The following EPHB3 variants were observed in gnomAD, a reference collection of about 807,000 sequenced individuals.
EPHB3 encodes the protein EPH receptor B3, also known as ephrin type-B receptor 3.
In EPHB3, 33 loss-of-function variants were observed where a neutral mutation model predicts 100.2. The ratio of observed to expected loss-of-function variants is 0.33; its 90% CI spans 0.25 to 0.44. EPHB3 has a LOEUF of 0.44. Ranked by LOEUF, EPHB3 falls within the 20% of genes least tolerant of loss-of-function variation. The probability of loss-of-function intolerance (pLI) is 1.00; values close to 1 mark genes in which losing one functional copy is unlikely to be tolerated. For missense variants in EPHB3, 1,045 were observed against 1,378.3 expected (o/e 0.76, Z 3.83); for synonymous variants, 526 against 554.7 (o/e 0.95, Z 0.73).
intron 15 of EPHB3, 45 bp downstream of exon 15, chr3:184,581,453 G>A (rs780100463): frequency 1.9e-6 from 3 of 1,589,800 alleles, no homozygotes; most frequent in South Asian, 1.2e-5. Context: ...GGGGCCCTAG[G>A]CTGGGCCCAG....
In EPHB3 at chr3:184,569,119, A is replaced by G. The variant is rs949404909; in HGVS notation, c.119-2199A>G. Among the ~76,000 whole-genome samples, 2 of 152,128 alleles carry G rather than the reference A, an allele frequency of 1.3e-5. No homozygotes were observed. The highest frequency in any genetic ancestry group is 1.9e-4 in the East Asian group (1 of 5,166). ...GATGGGTTTGGCACAGGCTGAGCAG[A>G]AGGAAGTGAGGGAGAGGGAGGAGGG... On this transcript the variant is annotated intron_variant, in intron 1 of 15. Transcript: ENST00000330394. The surrounding 1 kb of genome is among the most constrained non-coding windows in gnomAD (Gnocchi z 5.4).
rs767180194 is a variant in EPHB3, at chr3:184,576,995, G to C, written c.1166G>C (p.Cys389Ser). 8 of 1,613,770 alleles carry C rather than the reference G, an allele frequency of 5.0e-6. No individual in the cohort carries two copies. In the South Asian group the frequency reaches 7.7e-5, roughly 16 times the overall value. Reference protein sequence around the residue: ...KCHGAGGASACSRCDDNVEFV... With the variant: ...KCHGAGGASASSRCDDNVEFV... ...CATGGGGCTGGAGGGGCCTCAGCCT[G>C]CTCACGCTGTGATGACAACGTGGAG... Residue 389 changes from cysteine to serine, a missense_variant, in exon 5 of 16, where the codon TGC (cysteine) becomes TCC (serine). By Grantham distance (112) the Cys-to-Ser change is moderately radical. This residue lies in a region of EPHB3 where 985 missense variants were observed against 1,331.1 expected (regional missense o/e 0.74). Coordinates refer to ENST00000330394, the MANE Select transcript of EPHB3 (RefSeq NM_004443.4).
At position 184,575,813 on chromosome 3, in the gene EPHB3, C is replaced by T. The variant is rs1374025170; in HGVS notation, c.857-17C>T. 2 of 1,578,376 alleles carry T rather than the reference C, an allele frequency of 1.3e-6. No homozygotes were observed. Among genetic ancestry groups the T allele is most frequent in the East Asian group, 2.3e-5 (1 of 44,290 alleles). Reference sequence around the variant, plus strand: ...GGGAAGGGAGGTGAGCCCCATTCATCCTCTTCTCTCCCACAGCCTGTCCCC... The same window carrying T: ...GGGAAGGGAGGTGAGCCCCATTCATTCTCTTCTCTCCCACAGCCTGTCCCC... On this transcript the variant is annotated splice_polypyrimidine_tract_variant and intron_variant, in intron 3 of 15. Transcript: ENST00000330394.
Position 184,571,482 on chromosome 3 carries a change from G to T in EPHB3, c.183+100G>T. ...TCATCTCACCAGGGCCTGGAGGAGG[G>T]CTGCCTCTGCCCTCTGCCTGTCACC... is the stretch of plus-strand genomic sequence containing the variant. On this transcript the variant is annotated intron_variant, in intron 2 of 15. Transcript: ENST00000330394. The surrounding 1 kb of genome is among the most constrained non-coding windows in gnomAD (Gnocchi z 5.0). The T allele has an allele frequency of 1.6e-6, 2 of 1,277,846 alleles. No individual in the cohort carries two copies. The highest frequency in any genetic ancestry group is 2.5e-5 in the South Asian group (2 of 79,942). The allele number at this position is 1,277,846 out of a possible 1,614,324, so 79.2% of individuals were successfully genotyped here.
At position 184,573,235 on chromosome 3, in the gene EPHB3, A is replaced by C. The variant is rs1714586340; in HGVS notation, c.856+59A>C. Reference sequence around the variant, plus strand: ...GGGAGGGCCTGGGCCACAGCTACCTACCGCCCCGCCCCCCACCCCTGCTTG... The same window carrying C: ...GGGAGGGCCTGGGCCACAGCTACCTCCCGCCCCGCCCCCCACCCCTGCTTG... On this transcript the variant is annotated intron_variant, in intron 3 of 15. Transcript: ENST00000330394. This position sits in a 1 kb window ranked among gnomAD's most constrained non-coding sequence, Gnocchi z 4.5. 5 of 1,591,236 alleles carry C rather than the reference A, an allele frequency of 3.1e-6. No homozygotes were observed. The highest frequency in any genetic ancestry group is 1.7e-5 in the Admixed American group (1 of 59,262).
chr3:184,571,197 A>T lies in EPHB3; in HGVS notation c.119-121A>T. ...TCAAACTCCTGACCTCAAGTGATCC[A>T]CCTGCCTCAGACTCCCAAAGTGCTG... On this transcript the variant is annotated intron_variant, in intron 1 of 15. Transcript: ENST00000330394. The surrounding 1 kb of genome is among the most constrained non-coding windows in gnomAD (Gnocchi z 5.0). 1 of 884,352 alleles carries T rather than the reference A, an allele frequency of 1.1e-6. No homozygotes were observed. The highest frequency in any genetic ancestry group is 1.5e-5 in the South Asian group (1 of 68,672). 54.8% of individuals were successfully genotyped at this position (884,352 alleles called of 1,614,324 possible). A position where few individuals can be genotyped will look rare whatever the true frequency, so the allele number is the denominator to read the frequency against.
rs1560066268 is a variant in EPHB3 at position 184,581,910 on chromosome 3, C to T, written c.*288C>T. ...CCAGCAGGGGATCCCCACAACCTCA[C>T]ACTTGTCTGTTCTTCAGTGCTGGAG... On this transcript the variant is annotated 3_prime_UTR_variant, in exon 16 of 16. Transcript: ENST00000330394. 1.1e-5 allele frequency: 4 copies of T among 357,470 alleles called. No individual in the cohort carries two copies. In the South Asian group the frequency reaches 2.4e-4, roughly 21 times the overall value. 22.1% of individuals were successfully genotyped at this position (357,470 alleles called of 1,614,324 possible). A position where few individuals can be genotyped will look rare whatever the true frequency, so the allele number is the denominator to read the frequency against.
chr3:184,570,125 G>T (rs906982566), intron 1 of EPHB3, among the ~76,000 whole-genome samples: 2 of 152,218 alleles, frequency 1.3e-5, no homozygotes, highest in African/African-American at 2.4e-5. Flanking sequence ...CAGAACACAG[G>T]CCGGGTACTG....
At chr3:184,566,290 C>T (rs1452251208) in intron 1 of EPHB3, among the ~76,000 whole-genome samples, 1 of 152,222 alleles carries the variant, frequency 6.6e-6, no homozygotes, top group Non-Finnish European at 1.5e-5. Context: ...TTTGGGCTCC[C>T]CGCCCTGGGC....
chr3:184,570,281 C>CAT (rs1714507094), intron 1 of EPHB3, among the ~76,000 whole-genome samples: 1 of 152,190 alleles, frequency 6.6e-6, no homozygotes, highest in East Asian at 1.9e-4. Context: ...CCCTCCTTTA[C>CAT]AGAGGGGCAT....
At position 184,563,110 on chromosome 3, in the gene EPHB3, G is replaced by C. The variant is rs920280657; in HGVS notation, c.118+757G>C. Among the ~76,000 whole-genome samples the C allele has an allele frequency of 1.3e-5, 2 of 152,194 alleles. No individual in the cohort carries two copies. The highest frequency in any genetic ancestry group is 1.5e-5 in the Non-Finnish European group (1 of 68,032). On this transcript the variant is annotated intron_variant, in intron 1 of 15. Transcript: ENST00000330394. This position sits in a 1 kb window ranked among gnomAD's most constrained non-coding sequence, Gnocchi z 4.1. Reference sequence around the variant, plus strand: ...CTGTGAAACCTGCCAAGACTGCTGTGGGGGGCAGCTCCAACTTCCAAATGA... The same window carrying C: ...CTGTGAAACCTGCCAAGACTGCTGTCGGGGGCAGCTCCAACTTCCAAATGA...
intron 3 of EPHB3, 62 bp from the exon 4 acceptor site, chr3:184,575,768 G>A: frequency 6.6e-7 from 1 of 1,509,848 alleles, no homozygotes; most frequent in South Asian, 1.3e-5. Flanking sequence ...TCATGGAGCT[G>A]CGGAGGTCTG....
chr3:184,581,304 G>A lies in EPHB3; in HGVS notation c.2784G>A (p.Thr928=), dbSNP rs140507814. ...CGGTCCCAGATTACACAACCTTCAC[G>A]ACAGTTGGTGATTGGCTGGATGCCA... is the stretch of plus-strand genomic sequence containing the variant. ...DRTVPDYTTF[T]TVGDWLDAIK... The change falls in exon 15 of 16, where the codon ACG becomes ACA. Residue 928 remains threonine (T), a synonymous_variant. Transcript: ENST00000330394. The A allele has an allele frequency of 5.6e-6, 9 of 1,608,640 alleles. No homozygotes were observed. Among genetic ancestry groups the A allele is most frequent in the Middle Eastern group, 3.3e-4 (2 of 6,036 alleles).
Position 184,580,964 on chromosome 3 carries a change from C to A in EPHB3, c.2539-8C>A. The A allele has an allele frequency of 6.2e-7, 1 of 1,608,732 alleles. No individual in the cohort carries two copies. Among genetic ancestry groups the A allele is most frequent in the Non-Finnish European group, 8.5e-7 (1 of 1,175,816 alleles). ...GGCTCACTCAGGGTTTCCCTGCCTTCGGCCCAGGTCATCAATGCCGTGGAG... is the reference window on the plus strand; with the variant it reads ...GGCTCACTCAGGGTTTCCCTGCCTTAGGCCCAGGTCATCAATGCCGTGGAG... On this transcript the variant is annotated splice_region_variant and splice_polypyrimidine_tract_variant and intron_variant, in intron 13 of 15. Transcript: ENST00000330394.
At chr3:184,570,693 A>G (rs536114214) in intron 1 of EPHB3, among the ~76,000 whole-genome samples, 3 of 152,340 alleles carry the variant, frequency 2.0e-5, no homozygotes, top group Non-Finnish European at 4.4e-5. Flanking sequence ...CCTTTGTTCC[A>G]GGATAAAGGC....
Position 184,566,223 on chromosome 3 carries a change from C to A in EPHB3, c.118+3870C>A, listed in dbSNP as rs1195164170. The stretch of plus-strand genomic sequence containing the variant: ...GGTTAAGGGCTAGCTGTCCACCCGT[C>A]CTTCTGGCTGCTGGCAGGGCCACAG... On this transcript the variant is annotated intron_variant, in intron 1 of 15. Transcript: ENST00000330394. Among the ~76,000 whole-genome samples the A allele has an allele frequency of 1.8e-4, 27 of 152,230 alleles. 1 individual carries two copies. The highest frequency in any genetic ancestry group is 1.8e-3 in the Admixed American group (27 of 15,288).
Position 184,565,711 on chromosome 3 carries a change from AC to A in EPHB3, c.118+3363del, listed in dbSNP as rs564527729. Among the ~76,000 whole-genome samples the A allele has an allele frequency of 5.5e-4, 84 of 152,152 alleles. 1 individual carries two copies. The highest frequency in any genetic ancestry group is 2.0e-3 in the African/African-American group (81 of 41,518). On this transcript the variant is annotated intron_variant, in intron 1 of 15. Coordinates refer to ENST00000330394, the MANE Select transcript of EPHB3 (RefSeq NM_004443.4). This position sits in a 1 kb window ranked among gnomAD's most constrained non-coding sequence, Gnocchi z 4.8. Reference sequence around the variant, plus strand: ...CTCACTTGTTTGAGTTGCCTCTGGCACCCCCAAACCCCATCCCTGTCTGTCA... The same window carrying A: ...CTCACTTGTTTGAGTTGCCTCTGGCACCCCAAACCCCATCCCTGTCTGTCA...
chr3:184,581,039 A>G lies in EPHB3; in HGVS notation c.2606A>G (p.Gln869Arg). The G allele has an allele frequency of 6.2e-7, 1 of 1,614,144 alleles. No homozygotes were observed. Among genetic ancestry groups the G allele is most frequent in the Non-Finnish European group, 8.5e-7 (1 of 1,180,032 alleles). ...PPMDCPTALH[Q>R]LMLDCWVRDR... ...ATGGACTGTCCCACAGCACTGCACCAGCTCATGCTGGACTGCTGGGTGCGG... is the reference window on the plus strand; with the variant it reads ...ATGGACTGTCCCACAGCACTGCACCGGCTCATGCTGGACTGCTGGGTGCGG... Residue 869 changes from glutamine to arginine, a missense_variant, in exon 14 of 16, where the codon CAG (glutamine) becomes CGG (arginine). By Grantham distance (43) the Gln-to-Arg change is conservative. This residue lies in a region of EPHB3 where 985 missense variants were observed against 1,331.1 expected (regional missense o/e 0.74). Coordinates refer to ENST00000330394, the MANE Select transcript of EPHB3 (RefSeq NM_004443.4).
In EPHB3 at chr3:184,580,769, T is replaced by C; in HGVS notation, c.2429T>C (p.Ile810Thr). The C allele has an allele frequency of 1.2e-6, 2 of 1,614,162 alleles. No individual in the cohort carries two copies. The highest frequency in any genetic ancestry group is 1.7e-6 in the Non-Finnish European group (2 of 1,180,016). ...ATCCGCTGGACTGCCCCAGAGGCCA[T>C]AGCCTATCGGAAGTTCACTTCTGCT... Reference protein sequence around the residue: ...IPIRWTAPEAIAYRKFTSASD... With the variant: ...IPIRWTAPEATAYRKFTSASD... The change falls in exon 13 of 16, where the codon ATA (isoleucine) becomes ACA (threonine). Residue 810 changes from isoleucine to threonine, a missense_variant. Ile to Thr is a moderately conservative substitution (Grantham distance 89, BLOSUM62 -1). Coordinates refer to ENST00000330394, the MANE Select transcript of EPHB3 (RefSeq NM_004443.4).
Sources: gnomAD v4.1 joint callset for allele counts (sites outside exome capture counted in the v4.1 genomes callset) on GRCh38, gnomAD v4.1.1 for gene constraint, gnomAD v4.1.1 regional missense constraint, Gnocchi (gnomAD v3.1) non-coding constraint, MANE v1.5 for transcripts, NCBI Gene and HGNC (gene_info 2026-07-23, HGNC 2026-07-21) for gene names.